Variants in ABCG8 observed in about 807,000 individuals in gnomAD.
ABCG8 encodes ATP binding cassette subfamily G member 8.
Under a neutral mutation model 71.3 loss-of-function variants are expected in ABCG8, and 81 were observed. The ratio of observed to expected loss-of-function variants is 1.14; its 90% CI spans 0.95 to 1.37. ABCG8 has a LOEUF of 1.37. Ranked by LOEUF, ABCG8 falls within the 40% of genes most tolerant of loss-of-function variation. The probability of loss-of-function intolerance (pLI) is 0.00; values close to 1 mark genes in which losing one functional copy is unlikely to be tolerated. For missense variants in ABCG8, 1,119 were observed against 866.2 expected, an observed-to-expected ratio of 1.29 and a Z score of -3.66; for synonymous variants, 451 against 354.7, an observed-to-expected ratio of 1.27 and a Z score of -3.05.
chr2:43,862,003 G>T (rs1669337430), intron 6 of ABCG8, among the ~76,000 whole-genome samples: 1 of 151,102 alleles, frequency 6.6e-6, no homozygotes, highest in Admixed American at 6.6e-5. Context: ...TTACTCTCTG[G>T]ATAGAACTCT....
In ABCG8 at chr2:43,875,429, G is replaced by T. The variant is rs182440594; in HGVS notation, c.1756+16G>T. ...CTGTGGACAGGTAAGGCCTGCCCCC[G>T]GGGCCTGGGCCAGCTTTGTTAGGAC... On this transcript the variant is annotated intron_variant, in intron 11 of 12. Transcript: ENST00000272286. 1 of 1,609,450 alleles carries T rather than the reference G, an allele frequency of 6.2e-7. No homozygotes were observed. The highest frequency in any genetic ancestry group is 1.1e-5 in the South Asian group (1 of 90,978).
chr2:43,844,645 G>T (rs1247555001), intron 2 of ABCG8, 37 bp downstream of exon 2: 1 of 1,529,086 alleles, frequency 6.5e-7, no homozygotes, highest in Non-Finnish European at 9.1e-7. Flanking sequence ...AGAGGAGCAG[G>T]CAGGGACAGC....
chr2:43,867,353 A>AG (rs1284586422), intron 6 of ABCG8, among the ~76,000 whole-genome samples: 3 of 147,336 alleles, frequency 2.0e-5, no homozygotes, highest in African/African-American at 7.6e-5. Context: ...TAATTAAAAA[A>AG]AAAAAAGAAT....
chr2:43,850,802 A>G (rs1432699084), intron 3 of ABCG8, among the ~76,000 whole-genome samples: 1 of 152,018 alleles, frequency 6.6e-6, no homozygotes, highest in East Asian at 1.9e-4. Flanking sequence ...CCAGCTACTC[A>G]GGAGGCTGAG....
rs1172395180 is a variant in ABCG8 at position 43,880,011 on chromosome 2, A to G, written c.*2098A>G. On this transcript the variant is annotated 3_prime_UTR_variant, in exon 13 of 13. Coordinates refer to ENST00000272286, the MANE Select transcript of ABCG8 (RefSeq NM_022437.3). ...GATTGATGTAAACTTGTGAATTCCC[A>G]TTGTATCCTTACAACCCTTTATTAT... 6.6e-6 allele frequency: 1 copy of G among 151,956 alleles called. No individual in the cohort carries two copies. The highest frequency in any genetic ancestry group is 1.9e-4 in the East Asian group (1 of 5,186). 9.4% of individuals were successfully genotyped at this position (151,956 alleles called of 1,614,324 possible).
In ABCG8 at chr2:43,846,244, G is replaced by A. The variant is rs376761538; in HGVS notation, c.255G>A (p.Glu85=). Residue 85 remains glutamate (E), a synonymous_variant, in exon 3 of 13, where the codon GAG becomes GAA. Transcript: ENST00000272286. ...CTCCCAGCTGCCAGAATTCTTGTGA[G>A]CTGGGCATCCAGAACCTAAGCTTCA... is the stretch of plus-strand genomic sequence containing the variant. ...WTSPSCQNSC[E]LGIQNLSFKV... 1 of 1,614,186 alleles carries A rather than the reference G, an allele frequency of 6.2e-7. No individual in the cohort carries two copies. Among genetic ancestry groups the A allele is most frequent in the South Asian group, 1.1e-5 (1 of 91,092 alleles).
Position 43,877,561 on chromosome 2 carries a change from T to A in ABCG8, c.1757T>A (p.Val586Glu). 1 of 1,613,844 alleles carries A rather than the reference T, an allele frequency of 6.2e-7. No individual in the cohort carries two copies. The highest frequency in any genetic ancestry group is 8.5e-7 in the Non-Finnish European group (1 of 1,179,990). ...GAGTAACGCGGCTGTCTGTCTCCAGTGCCCGCGTGGATTTCCAAAGTGTCC... is the reference window on the plus strand; with the variant it reads ...GAGTAACGCGGCTGTCTGTCTCCAGAGCCCGCGTGGATTTCCAAAGTGTCC... Reference protein sequence around the residue: ...FMINLSSLWTVPAWISKVSFL... With the variant: ...FMINLSSLWTEPAWISKVSFL... The change falls in exon 12 of 13, where the codon GTG (valine) becomes GAG (glutamate). Residue 586 changes from valine to glutamate, a missense_variant and splice_region_variant. Physicochemically the swap from Val to Glu is moderately radical, Grantham distance 121 (BLOSUM62 -2). Transcript: ENST00000272286.
intron 6 of ABCG8, among the ~76,000 whole-genome samples, chr2:43,858,656 C>T (rs1453263229): frequency 1.4e-5 from 2 of 147,020 alleles, no homozygotes; most frequent in African/African-American, 5.1e-5. Context: ...ATAGAACTTT[C>T]ACTACCTGTC....
chr2:43,860,610 G>A (rs1437401783), intron 6 of ABCG8, among the ~76,000 whole-genome samples: 1 of 151,052 alleles, frequency 6.6e-6, no homozygotes, highest in African/African-American at 2.4e-5. Flanking sequence ...TGTCTATCTC[G>A]ATAAAACTCT....
intron 6 of ABCG8, among the ~76,000 whole-genome samples, chr2:43,854,124 T>A (rs1318191444): frequency 6.6e-6 from 1 of 152,160 alleles, no homozygotes; most frequent in African/African-American, 2.4e-5. Flanking sequence ...CTGAAAACTC[T>A]TTTTTACATT....
At chr2:43,843,291 T>C (rs1304180993) in intron 1 of ABCG8, among the ~76,000 whole-genome samples, 1 of 152,188 alleles carries the variant, frequency 6.6e-6, no homozygotes, top group African/African-American at 2.4e-5. Flanking sequence ...ATTGAAGGAA[T>C]GTATAGTGTG....
chr2:43,851,440 G>C, intron 3 of ABCG8, 144 bp from the exon 4 acceptor site: 1 of 913,108 alleles, frequency 1.1e-6, no homozygotes, highest in East Asian at 2.6e-5. Context: ...TCTAGGTCCA[G>C]GGACTATGCC....
Position 43,880,362 on chromosome 2 carries a change from CAG to C in ABCG8, c.*2450_*2451del, listed in dbSNP as rs1670098280. 2 of 152,016 alleles carry C rather than the reference CAG, an allele frequency of 1.3e-5. No homozygotes were observed. Among genetic ancestry groups the C allele is most frequent in the Admixed American group, 1.3e-4 (2 of 15,262 alleles). 9.4% of individuals were successfully genotyped at this position (152,016 alleles called of 1,614,324 possible). ...CTAATTTTTGTATTTTTAGTAAAGA[CAG>C]TGTTTCACCATATTGGCCAGACTGG... On this transcript the variant is annotated 3_prime_UTR_variant, in exon 13 of 13. Coordinates refer to ENST00000272286, the MANE Select transcript of ABCG8 (RefSeq NM_022437.3).
chr2:43,839,278 G>A (rs889869340), intron 1 of ABCG8, among the ~76,000 whole-genome samples, 162 bp downstream of exon 1: 11 of 152,074 alleles, frequency 7.2e-5, no homozygotes, highest in African/African-American at 2.4e-4. Context: ...AGGGCGGAGG[G>A]GAACAGATTC....
rs1016895349 is a variant in ABCG8 at position 43,839,084 on chromosome 2, C to G, written c.31C>G (p.Leu11Val). ...CGGGAAGGCGGCAGAGGAGAGAGGG[C>G]TGCCGAAAGGGGCCACTCCCCAGGA... MAGKAAEERG[L>V]PKGATPQDTS... is the part of the protein sequence containing the mutation. Residue 11 changes from leucine to valine, a missense_variant, in exon 1 of 13, where the codon CTG becomes GTG. By Grantham distance (32) the Leu-to-Val change is conservative. Coordinates refer to ENST00000272286, the MANE Select transcript of ABCG8 (RefSeq NM_022437.3). The G allele has an allele frequency of 3.9e-6, 6 of 1,551,142 alleles. No individual in the cohort carries two copies. In the African/African-American group the frequency reaches 8.2e-5, roughly 21 times the overall value.
chr2:43,853,472 G>C (rs926638414), intron 6 of ABCG8, among the ~76,000 whole-genome samples: 2 of 152,210 alleles, frequency 1.3e-5, no homozygotes, highest in African/African-American at 4.8e-5. Context: ...CCTGAGTGCT[G>C]AGGAAGGGCA....
At chr2:43,861,005 A>G (rs952711161) in intron 6 of ABCG8, among the ~76,000 whole-genome samples, 4 of 147,106 alleles carry the variant, frequency 2.7e-5, no homozygotes, top group African/African-American at 1.0e-4. Flanking sequence ...TAGAATTCTC[A>G]CCATCTGGTT....
chr2:43,865,177 C>T (rs1669482511), intron 6 of ABCG8, among the ~76,000 whole-genome samples: 1 of 151,016 alleles, frequency 6.6e-6, no homozygotes, highest in African/African-American at 2.4e-5. Flanking sequence ...GAATTCTCAA[C>T]ATCTGGATAG....
At chr2:43,846,060 A>T (rs1057478065) in intron 2 of ABCG8, 95 bp from the exon 3 acceptor site, 1 of 1,364,498 alleles carries the variant, frequency 7.3e-7, no homozygotes, top group Non-Finnish European at 1.0e-6. Context: ...CTCTGTGGAG[A>T]GGGGCCACCT....
Sources: gnomAD v4.1 joint callset for allele counts (sites outside exome capture counted in the v4.1 genomes callset) on GRCh38, gnomAD v4.1.1 for gene constraint, MANE v1.5 for transcripts, NCBI Gene and HGNC (gene_info 2026-07-23, HGNC 2026-07-21) for gene names.